ANKH: variants seen among roughly 807,000 people sequenced by gnomAD.
The protein encoded by ANKH is ANKH inorganic pyrophosphate transport regulator.
In ANKH, 15 loss-of-function variants were observed where a neutral mutation model predicts 49.0. The observed-to-expected ratio is 0.31, with a 90% CI of 0.20 to 0.47. The LOEUF (loss-of-function observed/expected upper bound fraction) is 0.47, where lower values mean the gene tolerates loss of function less well. Among genes scored for constraint, ANKH ranks in the 20% least tolerant of loss-of-function variants. The probability of loss-of-function intolerance (pLI) is 1.00; values close to 1 mark genes in which losing one functional copy is unlikely to be tolerated. For missense variants in ANKH, 429 were observed against 652.0 expected, an observed-to-expected ratio of 0.66 and a Z score of 3.72; for synonymous variants, 273 against 260.0, an observed-to-expected ratio of 1.05 and a Z score of -0.48.
chr5:14,738,703 G>A (rs941361664), intron 8 of ANKH, among the ~76,000 whole-genome samples: 5 of 151,398 alleles, frequency 3.3e-5, no homozygotes, highest in African/African-American at 1.2e-4. Context: ...CCAGGAATTC[G>A]ACATCAGCCT....
At chr5:14,738,638 A>G (rs1232726917) in intron 8 of ANKH, among the ~76,000 whole-genome samples, 1 of 152,188 alleles carries the variant, frequency 6.6e-6, no homozygotes, top group Non-Finnish European at 1.5e-5. Context: ...ATTCAAAAAA[A>G]CAAAAACAGG....
At chr5:14,807,113 CTTTT>C (rs35180875) in intron 1 of ANKH, among the ~76,000 whole-genome samples, 9 of 127,680 alleles carry the variant, frequency 7.0e-5, no homozygotes, top group East Asian at 2.4e-4. Context: ...CATGATATTT[CTTTT>C]TTTTTTTTTT....
intron 1 of ANKH, among the ~76,000 whole-genome samples, chr5:14,860,372 T>C (rs1048948383): frequency 6.6e-6 from 1 of 152,158 alleles, no homozygotes; most frequent in Non-Finnish European, 1.5e-5. Flanking sequence ...GCCTCCTTAT[T>C]AAGTGTGGTT....
At chr5:14,833,350 A>C (rs898675069) in intron 1 of ANKH, among the ~76,000 whole-genome samples, 2 of 152,142 alleles carry the variant, frequency 1.3e-5, no homozygotes, top group Non-Finnish European at 2.9e-5. Flanking sequence ...GGTCTTGAGG[A>C]GGTTTCATTC....
Position 14,710,401 on chromosome 5 carries a change from C to T in ANKH, c.*796G>A, listed in dbSNP as rs1737121867. The T allele has an allele frequency of 6.6e-6, 1 of 152,218 alleles. No homozygotes were observed. Among genetic ancestry groups the T allele is most frequent in the African/African-American group, 2.4e-5 (1 of 41,428 alleles). 9.4% of individuals were successfully genotyped at this position (152,218 alleles called of 1,614,324 possible). A position where few individuals can be genotyped will look rare whatever the true frequency, so the allele number is the denominator to read the frequency against. On this transcript the variant is annotated 3_prime_UTR_variant, in exon 12 of 12. Coordinates refer to ENST00000284268, the MANE Select transcript of ANKH (RefSeq NM_054027.6). ...GCAGGGTCTGGAATCTGGAGATGCG[C>T]TTTTGTGACAATTTAAAAAAGTTAG... is the stretch of plus-strand genomic sequence containing the variant.
intron 1 of ANKH, 46 bp from the exon 2 acceptor site, chr5:14,769,237 T>C: frequency 1.4e-6 from 2 of 1,470,874 alleles, no homozygotes; most frequent in Non-Finnish European, 1.9e-6. Context: ...ATGTCATCTC[T>C]TCTCTGGGGA....
intron 1 of ANKH, among the ~76,000 whole-genome samples, chr5:14,788,535 T>G (rs1047285752): frequency 6.6e-6 from 1 of 152,188 alleles, no homozygotes; most frequent in Non-Finnish European, 1.5e-5. Flanking sequence ...CTAAGTATAT[T>G]TGAACATTTC....
Position 14,745,942 on chromosome 5 carries a change from G to A in ANKH, c.843C>T (p.Ala281=). The change falls in exon 7 of 12, where the codon GCC becomes GCT. Residue 281 remains alanine (A), a synonymous_variant. Transcript: ENST00000284268. The surrounding 1 kb of genome is among the most constrained non-coding windows in gnomAD (Gnocchi z 4.7). ...ATGGCATGTGACCCACAGGGTATGT[G>A]GCTGTCAAAATCGCCACTGCCTGCA... ...AATEAVAILT[A]TYPVGHMPYG... 6.2e-7 allele frequency: 1 copy of A among 1,614,160 alleles called. No individual in the cohort carries two copies. The highest frequency in any genetic ancestry group is 8.5e-7 in the Non-Finnish European group (1 of 1,180,016).
At chr5:14,720,398 T>C (rs1313101700) in intron 8 of ANKH, among the ~76,000 whole-genome samples, 1 of 152,202 alleles carries the variant, frequency 6.6e-6, no homozygotes. Context: ...GCAAAGCTAC[T>C]AGCCTACAAG....
chr5:14,723,947 T>C (rs1228057456), intron 8 of ANKH, among the ~76,000 whole-genome samples: 1 of 152,200 alleles, frequency 6.6e-6, no homozygotes, highest in Non-Finnish European at 1.5e-5. Flanking sequence ...CAGTTTCCAG[T>C]CAGCATGTGA....
At chr5:14,763,381 C>T (rs973559283) in intron 2 of ANKH, among the ~76,000 whole-genome samples, 4 of 152,100 alleles carry the variant, frequency 2.6e-5, no homozygotes, top group Non-Finnish European at 2.9e-5. Context: ...TAAATCACTT[C>T]GATAAATACA....
intron 2 of ANKH, among the ~76,000 whole-genome samples, chr5:14,767,136 G>A (rs1739281887): frequency 6.6e-6 from 1 of 152,172 alleles, no homozygotes; most frequent in African/African-American, 2.4e-5. Context: ...TCCCATCATG[G>A]AGCTTGTGGC....
intron 8 of ANKH, among the ~76,000 whole-genome samples, chr5:14,735,720 T>C (rs1738157562): frequency 6.6e-6 from 1 of 152,158 alleles, no homozygotes; most frequent in South Asian, 2.1e-4. Flanking sequence ...TTCCCCTGTG[T>C]GCATGTCTGT....
chr5:14,846,080 C>T (rs1182878607), intron 1 of ANKH, among the ~76,000 whole-genome samples: 2 of 152,026 alleles, frequency 1.3e-5, no homozygotes, highest in African/African-American at 4.8e-5. Flanking sequence ...TGGTCTCGAA[C>T]TCCTGGCCTC....
chr5:14,708,184 G>A lies in ANKH; in HGVS notation c.*3013C>T. The A allele has an allele frequency of 6.6e-6, 1 of 152,324 alleles. No individual in the cohort carries two copies. The highest frequency in any genetic ancestry group is 1.5e-5 in the Non-Finnish European group (1 of 68,034). 9.4% of individuals were successfully genotyped at this position (152,324 alleles called of 1,614,324 possible). On this transcript the variant is annotated 3_prime_UTR_variant, in exon 12 of 12. Transcript: ENST00000284268. ...GCACATTTAGGATGACGTCCCTTGT[G>A]CTACTCAAACAGGCCACCAAAGGAG... is the stretch of plus-strand genomic sequence containing the variant.
At chr5:14,757,430 A>ATATATAT (rs1379233165) in intron 3 of ANKH, among the ~76,000 whole-genome samples, 4 of 113,814 alleles carry the variant, frequency 3.5e-5, no homozygotes, top group African/African-American at 1.3e-4. Flanking sequence ...ATATATATAT[A>ATATATAT]TTTTTTTTTT....
chr5:14,819,996 C>A (rs1254176761), intron 1 of ANKH, among the ~76,000 whole-genome samples: 1 of 152,012 alleles, frequency 6.6e-6, no homozygotes, highest in Non-Finnish European at 1.5e-5. Flanking sequence ...ATGGGAGACA[C>A]ATGCCCATAT....
At chr5:14,712,662 G>A (rs1186206621) in intron 11 of ANKH, among the ~76,000 whole-genome samples, 1 of 152,164 alleles carries the variant, frequency 6.6e-6, no homozygotes, top group Non-Finnish European at 1.5e-5. Context: ...CTCTTCAAAG[G>A]GACTGTCTGT....
At chr5:14,835,542 G>A (rs1294064181) in intron 1 of ANKH, among the ~76,000 whole-genome samples, 6 of 152,156 alleles carry the variant, frequency 3.9e-5, no homozygotes, top group African/African-American at 1.4e-4. Context: ...TTCCCACCCA[G>A]AAACTCTGAT....
Sources: allele counts gnomAD v4.1 joint callset (sites outside exome capture counted in the v4.1 genomes callset), GRCh38; gene constraint gnomAD v4.1.1; non-coding constraint Gnocchi (gnomAD v3.1); transcripts MANE v1.5; gene names NCBI Gene and HGNC (gene_info 2026-07-23, HGNC 2026-07-21).